The following CTNND2 variants were observed in gnomAD, a reference collection of about 807,000 sequenced individuals.
CTNND2 encodes the protein catenin delta-2.
CTNND2 carries 22 observed loss-of-function variants against 144.4 expected under a neutral mutation model. That is an observed-to-expected ratio of 0.15 (90% CI 0.11 to 0.22). The LOEUF (loss-of-function observed/expected upper bound fraction) is 0.22. Among genes scored for constraint, CTNND2 ranks in the 10% least tolerant of loss-of-function variants. The pLI is 1.00. For synonymous variants in CTNND2, 751 were observed against 695.6 expected, an observed-to-expected ratio of 1.08 and a Z score of -1.25; for missense variants, 1,353 against 1,618.8, an observed-to-expected ratio of 0.84 and a Z score of 2.82.
chr5:11,499,596 A>G (rs1770345056), intron 3 of CTNND2, among the ~76,000 whole-genome samples: 3 of 152,250 alleles, frequency 2.0e-5, no homozygotes. Context: ...TTCATTCATG[A>G]ACCCTGCAGT....
At chr5:11,171,003 C>T (rs1156773344) in intron 11 of CTNND2, among the ~76,000 whole-genome samples, 1 of 152,136 alleles carries the variant, frequency 6.6e-6, no homozygotes, top group Non-Finnish European at 1.5e-5. Flanking sequence ...AAAACCTGCT[C>T]CCACGATTCA....
chr5:11,381,074 C>T (rs1426830173), intron 7 of CTNND2, among the ~76,000 whole-genome samples: 2 of 152,154 alleles, frequency 1.3e-5, no homozygotes, highest in South Asian at 2.1e-4. Flanking sequence ...TTCTTTTTCT[C>T]TTACCTTCAT....
chr5:11,802,690 G>A (rs1437276028), intron 1 of CTNND2, among the ~76,000 whole-genome samples: 1 of 151,992 alleles, frequency 6.6e-6, no homozygotes, highest in Non-Finnish European at 1.5e-5. Context: ...GAAATTAATT[G>A]CTATATAGTA....
intron 13 of CTNND2, 88 bp from the exon 14 acceptor site, chr5:11,111,131 T>C (rs993195889): frequency 1.4e-5 from 19 of 1,365,920 alleles, no homozygotes; most frequent in African/African-American, 8.7e-5. Flanking sequence ...TCTTTCTCCA[T>C]GGACACATTT....
At chr5:11,014,793 G>A (rs1212980714) in intron 18 of CTNND2, among the ~76,000 whole-genome samples, 1 of 152,112 alleles carries the variant, frequency 6.6e-6, no homozygotes, top group Non-Finnish European at 1.5e-5. Flanking sequence ...ATGACAGATG[G>A]CGCCGAATTC....
rs1794597004 is a variant in CTNND2 at position 11,843,681 on chromosome 5, G to A, written c.37+60136C>T. Among the ~76,000 whole-genome samples, 4 of 152,164 alleles carry A rather than the reference G, an allele frequency of 2.6e-5. No homozygotes were observed. The South Asian group carries it at 8.3e-4, about 32-fold the overall frequency. On this transcript the variant is annotated intron_variant, in intron 1 of 21. Coordinates refer to ENST00000304623, the MANE Select transcript of CTNND2 (RefSeq NM_001332.4). ...TATTACAAGTTAAAGCTACAATAAT[G>A]CGACTTATATTTCACTAGTTCCACA...
intron 5 of CTNND2, among the ~76,000 whole-genome samples, chr5:11,407,402 A>T (rs1350209123): frequency 6.6e-6 from 1 of 152,178 alleles, no homozygotes; most frequent in Non-Finnish European, 1.5e-5. Context: ...GCACTGTTAA[A>T]AATACACAAA....
rs201759897 is a variant in CTNND2 at position 11,602,716 on chromosome 5, TATATA to T, written c.175-37665_175-37661del. Among the ~76,000 whole-genome samples, 582 of 144,542 alleles carry T rather than the reference TATATA, an allele frequency of 4.0e-3. 3 individuals carry two copies. Among genetic ancestry groups the T allele is most frequent in the African/African-American group, 0.014 (555 of 38,750 alleles). 94.8% of individuals were successfully genotyped at this position (144,542 alleles called of 152,430 possible). A position where few individuals can be genotyped will look rare whatever the true frequency, so the allele number is the denominator to read the frequency against. ...ATAGTATATATTTCATATATTATAT[TATATA>T]TTTTATATGTAATATAAATATTATA... On this transcript the variant is annotated intron_variant, in intron 2 of 21. Coordinates refer to ENST00000304623, the MANE Select transcript of CTNND2 (RefSeq NM_001332.4).
intron 18 of CTNND2, among the ~76,000 whole-genome samples, chr5:11,011,785 A>G (rs188356300): frequency 3.5e-4 from 53 of 152,244 alleles, no homozygotes; most frequent in South Asian, 8.3e-4. Context: ...CTCCATTCTG[A>G]TCACCAGCTT....
rs913906589 is a variant in CTNND2, at chr5:10,988,402, G to A, written c.3212-160C>T. The stretch of plus-strand genomic sequence containing the variant: ...TAATTTTTATTTTTTGGCAGTTTTG[G>A]CTCTTGTCCCTGCCCCATTCCCTCA... On this transcript the variant is annotated intron_variant, in intron 19 of 21. Coordinates refer to ENST00000304623, the MANE Select transcript of CTNND2 (RefSeq NM_001332.4). This position sits in a 1 kb window ranked among gnomAD's most constrained non-coding sequence, Gnocchi z 5.9. Among the ~76,000 whole-genome samples, 1 of 152,046 alleles carries A rather than the reference G, an allele frequency of 6.6e-6. No homozygotes were observed. Among genetic ancestry groups the A allele is most frequent in the African/African-American group, 2.4e-5 (1 of 41,384 alleles).
intron 3 of CTNND2, among the ~76,000 whole-genome samples, chr5:11,423,763 A>C (rs556238061): frequency 2.3e-4 from 35 of 152,314 alleles, no homozygotes; most frequent in Admixed American, 2.0e-4. Flanking sequence ...GGTATATCAA[A>C]CCCTGAATAT....
chr5:11,589,263 A>G (rs1201361274), intron 2 of CTNND2, among the ~76,000 whole-genome samples: 1 of 148,306 alleles, frequency 6.7e-6, no homozygotes, highest in Admixed American at 6.8e-5. Context: ...ATTCTTAGCT[A>G]TCTGTATGTT....
At chr5:11,341,917 GGA>G (rs1274742377) in intron 9 of CTNND2, among the ~76,000 whole-genome samples, 1 of 152,134 alleles carries the variant, frequency 6.6e-6, no homozygotes, top group Non-Finnish European at 1.5e-5. Flanking sequence ...GGCTGAGGTG[GGA>G]GGATCATTTG....
At chr5:11,052,721 A>G (rs1049844814) in intron 16 of CTNND2, among the ~76,000 whole-genome samples, 2 of 152,074 alleles carry the variant, frequency 1.3e-5, no homozygotes, top group Non-Finnish European at 2.9e-5. Flanking sequence ...TGTTTCAGCA[A>G]CAGGTTGTGT....
At chr5:11,150,875 C>G (rs1473540083) in intron 12 of CTNND2, among the ~76,000 whole-genome samples, 2 of 152,122 alleles carry the variant, frequency 1.3e-5, no homozygotes, top group African/African-American at 4.8e-5. Context: ...ATCCACCCGC[C>G]TTGGCCTCTC....
intron 9 of CTNND2, among the ~76,000 whole-genome samples, chr5:11,246,195 AAGAGC>A (rs1308788696): frequency 6.6e-6 from 1 of 152,208 alleles, no homozygotes. Context: ...AAATTATTAA[AAGAGC>A]AGAATGTACT....
rs1789911767 is a variant in CTNND2 at position 11,771,192 on chromosome 5, C to CATTTTT, written c.38-38921_38-38920insAAAAAT. 2.9e-5 allele frequency among the ~76,000 whole-genome samples: 3 copies of CATTTTT among 103,780 alleles called. 1 individual carries two copies. Among genetic ancestry groups the CATTTTT allele is most frequent in the South Asian group, 3.3e-4 (1 of 3,054 alleles). The allele number at this position is 103,780 out of a possible 152,430, so 68.1% of individuals were successfully genotyped here. A position where few individuals can be genotyped will look rare whatever the true frequency, so the allele number is the denominator to read the frequency against. The stretch of plus-strand genomic sequence containing the variant: ...CTCTATCATGAACCCACATTGTTAG[C>CATTTTT]TTTTTTTTTTTTTTTTTGGGATGGA... On this transcript the variant is annotated intron_variant, in intron 1 of 21. Coordinates refer to ENST00000304623, the MANE Select transcript of CTNND2 (RefSeq NM_001332.4).
rs566164123 is a variant in CTNND2 at position 11,751,449 on chromosome 5, A to G, written c.38-19177T>C. 5.9e-5 allele frequency among the ~76,000 whole-genome samples: 9 copies of G among 151,926 alleles called. No individual in the cohort carries two copies. In the East Asian group the frequency reaches 1.5e-3, roughly 26 times the overall value. Reference sequence around the variant, plus strand: ...CCCTTCTTTGTGTCCACATGTACTCAATATTTACCTTCCACTTATAAGTGA... The same window carrying G: ...CCCTTCTTTGTGTCCACATGTACTCGATATTTACCTTCCACTTATAAGTGA... On this transcript the variant is annotated intron_variant, in intron 1 of 21. Coordinates refer to ENST00000304623, the MANE Select transcript of CTNND2 (RefSeq NM_001332.4).
intron 12 of CTNND2, among the ~76,000 whole-genome samples, chr5:11,128,288 A>G (rs1274112912): frequency 2.0e-5 from 3 of 152,054 alleles, no homozygotes; most frequent in Non-Finnish European, 4.4e-5. Context: ...GCAGCTCTCA[A>G]CTGGCCACCA....
Sources: allele counts gnomAD v4.1 joint callset (sites outside exome capture counted in the v4.1 genomes callset), GRCh38; gene constraint gnomAD v4.1.1; non-coding constraint Gnocchi (gnomAD v3.1); transcripts MANE v1.5; gene names NCBI Gene and HGNC (gene_info 2026-07-23, HGNC 2026-07-21).